The following FAM227B variants were observed in gnomAD, a reference collection of about 807,000 sequenced individuals.
FAM227B encodes the protein protein FAM227B.
A neutral mutation model predicts 73.8 loss-of-function variants in FAM227B; 88 were observed. That is an observed-to-expected ratio of 1.19 (90% confidence interval 1.00 to 1.42). The LOEUF (loss-of-function observed/expected upper bound fraction) is 1.42, where lower values mean the gene tolerates loss of function less well. Ranked by LOEUF, FAM227B falls within the 40% of genes most tolerant of loss-of-function variation. The pLI, the probability that FAM227B is intolerant of heterozygous loss-of-function variation, is 0.00. For synonymous variants in FAM227B, 210 were observed against 190.5 expected, an observed-to-expected ratio of 1.10 and a Z score of -0.84; for missense variants, 632 against 590.9, an observed-to-expected ratio of 1.07 and a Z score of -0.72.
chr15:49,605,004 T>C (rs1047214293), intron 3 of FAM227B, among the ~76,000 whole-genome samples: 5 of 152,186 alleles, frequency 3.3e-5, no homozygotes, highest in Admixed American at 1.3e-4. Context: ...AAGATGATAT[T>C]TTTAAGTCTT....
intron 10 of FAM227B, among the ~76,000 whole-genome samples, chr15:49,526,555 A>C (rs1176426537): frequency 6.6e-6 from 1 of 152,138 alleles, no homozygotes; most frequent in Admixed American, 6.6e-5. Flanking sequence ...TAAGAGCAGA[A>C]GTGAATGTAA....
At chr15:49,468,644 A>C (rs2054474426) in intron 11 of FAM227B, among the ~76,000 whole-genome samples, 1 of 152,154 alleles carries the variant, frequency 6.6e-6, no homozygotes, top group African/African-American at 2.4e-5. Flanking sequence ...GGAGGTCACT[A>C]CCTCCACAGA....
At chr15:49,371,226 G>A (rs2045782244) in intron 12 of FAM227B, 76 bp downstream of exon 12, 2 of 834,942 alleles carry the variant, frequency 2.4e-6, no homozygotes, top group African/African-American at 1.7e-5. Flanking sequence ...CATTGCCTAT[G>A]TACAGCACAG....
chr15:49,400,692 T>A (rs1451546410), intron 11 of FAM227B, among the ~76,000 whole-genome samples: 1 of 144,292 alleles, frequency 6.9e-6, no homozygotes, highest in African/African-American at 2.6e-5. Flanking sequence ...TCAGAAATAA[T>A]GCCACATATC....
intron 8 of FAM227B, 64 bp downstream of exon 8, chr15:49,574,947 T>A (rs1470715420): frequency 3.1e-6 from 3 of 982,414 alleles, no homozygotes; most frequent in African/African-American, 1.7e-5. Flanking sequence ...TAGACTTATC[T>A]CTATTGAAAA....
chr15:49,350,440 T>G (rs1005386966), intron 13 of FAM227B, among the ~76,000 whole-genome samples: 7 of 152,160 alleles, frequency 4.6e-5, no homozygotes, highest in African/African-American at 1.7e-4. Flanking sequence ...TTGGGTAATG[T>G]AAAAGTATCA....
At chr15:49,382,474 G>T (rs2046605121) in intron 11 of FAM227B, among the ~76,000 whole-genome samples, 1 of 152,030 alleles carries the variant, frequency 6.6e-6, no homozygotes, top group Non-Finnish European at 1.5e-5. Flanking sequence ...ATATTGAAAT[G>T]AAATTTCTTT....
At chr15:49,416,899 T>C (rs2049256810) in intron 11 of FAM227B, among the ~76,000 whole-genome samples, 4 of 151,710 alleles carry the variant, frequency 2.6e-5, no homozygotes. Context: ...ATGACACAAA[T>C]GCATGGAAAA....
rs374464222 is a variant in FAM227B at position 49,511,662 on chromosome 15, TG to T, written c.875-3315del. 2.0e-5 allele frequency among the ~76,000 whole-genome samples: 3 copies of T among 152,204 alleles called. No individual in the cohort carries two copies. In the East Asian group the frequency reaches 5.8e-4, roughly 29 times the overall value. ...TGTGTTGTTCCCCTGCATATGTCCT[TG>T]TGTTCTTATCGTTCAGCTCCCACTT... On this transcript the variant is annotated intron_variant, in intron 10 of 15. Transcript: ENST00000299338.
chr15:49,398,078 A>T (rs1158740911), intron 11 of FAM227B, among the ~76,000 whole-genome samples: 79 of 152,274 alleles, frequency 5.2e-4, no homozygotes, highest in Non-Finnish European at 7.6e-4. Flanking sequence ...TCAAGACCCA[A>T]CAGTGTGCTG....
At chr15:49,519,204 C>G (rs2059605329) in intron 10 of FAM227B, among the ~76,000 whole-genome samples, 1 of 152,180 alleles carries the variant, frequency 6.6e-6, no homozygotes, top group Non-Finnish European at 1.5e-5. Context: ...ACCCCTGTGG[C>G]TTTGCAGGGT....
At chr15:49,589,586 C>G (rs1477948780) in intron 4 of FAM227B, among the ~76,000 whole-genome samples, 190 bp downstream of exon 4, 1 of 144,404 alleles carries the variant, frequency 6.9e-6, no homozygotes. Context: ...CACACACACA[C>G]ACAGACAACT....
At chr15:49,497,129 C>T (rs1444073525) in intron 11 of FAM227B, among the ~76,000 whole-genome samples, 1 of 152,170 alleles carries the variant, frequency 6.6e-6, no homozygotes, top group Non-Finnish European at 1.5e-5. Context: ...ATTCTACTCA[C>T]CTCATTTTTC....
chr15:49,585,736 A>G (rs2076116843), intron 5 of FAM227B, among the ~76,000 whole-genome samples: 1 of 152,174 alleles, frequency 6.6e-6, no homozygotes, highest in Non-Finnish European at 1.5e-5. Context: ...AGATATACCT[A>G]ATGCTAAATG....
intron 11 of FAM227B, among the ~76,000 whole-genome samples, chr15:49,386,201 T>C (rs1455881618): frequency 6.6e-6 from 1 of 151,770 alleles, no homozygotes; most frequent in East Asian, 1.9e-4. Flanking sequence ...ATACACATTC[T>C]TCTCATGAGC....
chr15:49,417,849 C>A (rs2049325216), intron 11 of FAM227B, among the ~76,000 whole-genome samples: 1 of 152,108 alleles, frequency 6.6e-6, no homozygotes, highest in African/African-American at 2.4e-5. Flanking sequence ...AGAGCTCCTG[C>A]ACAGCAAAGG....
chr15:49,599,530 T>A (rs751032013), intron 3 of FAM227B, among the ~76,000 whole-genome samples: 3 of 152,114 alleles, frequency 2.0e-5, no homozygotes, highest in Non-Finnish European at 4.4e-5. Flanking sequence ...ATAAGTTAGA[T>A]TGTTTATCTG....
At chr15:49,533,083 A>T (rs2060735593) in intron 10 of FAM227B, among the ~76,000 whole-genome samples, 1 of 151,772 alleles carries the variant, frequency 6.6e-6, no homozygotes, top group South Asian at 2.1e-4. Context: ...ATAAGTTTTG[A>T]TATGTTGCTT....
chr15:49,350,249 G>A (rs945198215), intron 13 of FAM227B, among the ~76,000 whole-genome samples: 10 of 152,120 alleles, frequency 6.6e-5, no homozygotes, highest in African/African-American at 2.4e-4. Flanking sequence ...AAAATGTGGC[G>A]AGTGTATCAG....
Sources: gnomAD v4.1 joint callset for allele counts (sites outside exome capture counted in the v4.1 genomes callset) on GRCh38, gnomAD v4.1.1 for gene constraint, MANE v1.5 for transcripts, NCBI Gene and HGNC (gene_info 2026-07-23, HGNC 2026-07-21) for gene names.